The following SPI1 variants were observed in gnomAD, a reference collection of about 807,000 sequenced individuals.
SPI1 encodes the protein Spi-1 proto-oncogene, also known as transcription factor PU.1.
Under a neutral mutation model 30.7 loss-of-function variants are expected in SPI1, and 3 were observed. The observed-to-expected ratio is 0.10, with a 90% CI of 0.04 to 0.25. The LOEUF (loss-of-function observed/expected upper bound fraction) is 0.25. SPI1 is among the 10% of genes least tolerant of loss of function. The pLI, the probability that SPI1 is intolerant of heterozygous loss-of-function variation, is 1.00. For synonymous variants in SPI1, 169 were observed against 157.1 expected, an observed-to-expected ratio of 1.08 and a Z score of -0.56; for missense variants, 261 against 371.5, an observed-to-expected ratio of 0.70 and a Z score of 2.45.
chr11:47,376,067 A>G (rs936177823), intron 1 of SPI1, among the ~76,000 whole-genome samples: 1 of 151,858 alleles, frequency 6.6e-6, no homozygotes, highest in Non-Finnish European at 1.5e-5. Context: ...ACTGATGCAC[A>G]TGTCCACACG....
Position 47,374,742 on chromosome 11 carries a change from C to A in SPI1, c.142+891G>T, listed in dbSNP as rs1245885762. On this transcript the variant is annotated intron_variant, in intron 2 of 4. Coordinates refer to ENST00000378538, the MANE Select transcript of SPI1 (RefSeq NM_003120.3). This position sits in a 1 kb window ranked among gnomAD's most constrained non-coding sequence, Gnocchi z 4.5. ...ATAAGCCAAGATCCACTTTGGGCAA[C>A]CTCCCGCAGCCCCCTGCTCAGGTCC... 6.6e-6 allele frequency among the ~76,000 whole-genome samples: 1 copy of A among 152,236 alleles called. No homozygotes were observed. The highest frequency in any genetic ancestry group is 2.4e-5 in the African/African-American group (1 of 41,468).
chr11:47,359,003 A>T lies in SPI1; in HGVS notation c.334T>A (p.Ser112Thr), dbSNP rs2095916618. 1 of 1,524,544 alleles carries T rather than the reference A, an allele frequency of 6.6e-7. No individual in the cohort carries two copies. The highest frequency in any genetic ancestry group is 8.8e-7 in the Non-Finnish European group (1 of 1,137,216). The allele number at this position is 1,524,544 out of a possible 1,614,324, so 94.4% of individuals were successfully genotyped here. ...PPHPSLGHQV[S>T]YLPRMCLQYP... ...TGGAGGCACATCCGGGGCAGGTAGGAGACCTGGACGGTGGGGGAAGGAGAT... is the reference window on the plus strand; with the variant it reads ...TGGAGGCACATCCGGGGCAGGTAGGTGACCTGGACGGTGGGGGAAGGAGAT... Residue 112 changes from serine to threonine, a missense_variant, in exon 4 of 5, where the codon TCC becomes ACC. Physicochemically the swap from Ser to Thr is moderately conservative, Grantham distance 58. Transcript: ENST00000378538. The surrounding 1 kb of genome is among the most constrained non-coding windows in gnomAD (Gnocchi z 5.1).
chr11:47,356,304 A>C (rs1220239508), intron 4 of SPI1, among the ~76,000 whole-genome samples: 1 of 148,078 alleles, frequency 6.8e-6, no homozygotes, highest in Non-Finnish European at 1.5e-5. Flanking sequence ...CCACATGTTC[A>C]AACCCACACT....
chr11:47,365,591 G>A (rs953103689), intron 2 of SPI1, among the ~76,000 whole-genome samples: 2 of 152,140 alleles, frequency 1.3e-5, no homozygotes, highest in South Asian at 2.1e-4. Flanking sequence ...AAACCCACCT[G>A]TATCTGACCC....
At chr11:47,378,122 CAGGGCATGCTCCG>C (rs1250764542) in intron 1 of SPI1, among the ~76,000 whole-genome samples, 174 bp downstream of exon 1, 2 of 152,278 alleles carry the variant, frequency 1.3e-5, no homozygotes, top group Non-Finnish European at 2.9e-5. Context: ...CTCAGCCCGC[CAGGGCATGCTCCG>C]AGGAAGCCAA....
chr11:47,356,607 G>T (rs1429659616), intron 4 of SPI1, among the ~76,000 whole-genome samples: 1 of 150,176 alleles, frequency 6.7e-6, no homozygotes, highest in Non-Finnish European at 1.5e-5. Flanking sequence ...AATCACACCT[G>T]CTTATACTTG....
chr11:47,368,426 A>T (rs766096333), intron 2 of SPI1, among the ~76,000 whole-genome samples: 2 of 152,218 alleles, frequency 1.3e-5, no homozygotes, highest in Non-Finnish European at 1.5e-5. Flanking sequence ...ATATATCCAA[A>T]AAAATTGAAA....
Position 47,374,143 on chromosome 11 carries a change from T to C in SPI1, c.142+1490A>G, listed in dbSNP as rs1217153920. On this transcript the variant is annotated intron_variant, in intron 2 of 4. Transcript: ENST00000378538. This position sits in a 1 kb window ranked among gnomAD's most constrained non-coding sequence, Gnocchi z 4.5. Reference sequence around the variant, plus strand: ...GACCTCCTGGAGTCCTGGAACCGCTTGGGAAGGTGGGTGCGTGGTCTCTGG... The same window carrying C: ...GACCTCCTGGAGTCCTGGAACCGCTCGGGAAGGTGGGTGCGTGGTCTCTGG... 6.6e-6 allele frequency among the ~76,000 whole-genome samples: 1 copy of C among 152,094 alleles called. No homozygotes were observed. The highest frequency in any genetic ancestry group is 2.4e-5 in the African/African-American group (1 of 41,420).
At chr11:47,376,422 C>T (rs1464230972) in intron 1 of SPI1, among the ~76,000 whole-genome samples, 2 of 152,252 alleles carry the variant, frequency 1.3e-5, no homozygotes, top group East Asian at 1.9e-4. Flanking sequence ...AAGAGTGGCA[C>T]CACAATGACC....
At position 47,359,195 on chromosome 11, in the gene SPI1, TGGGGCGA is replaced by T. The variant is rs2095917021; in HGVS notation, c.331-196_331-190del. 6.6e-6 allele frequency among the ~76,000 whole-genome samples: 1 copy of T among 151,952 alleles called. No homozygotes were observed. Among genetic ancestry groups the T allele is most frequent in the Non-Finnish European group, 1.5e-5 (1 of 67,974 alleles). ...GGTGCTGCACATAGGGTGCAGGCTG[TGGGGCGA>T]GGGGTGCTGACATCCAGCCCACCCA... is the stretch of plus-strand genomic sequence containing the variant. On this transcript the variant is annotated intron_variant, in intron 3 of 4. Transcript: ENST00000378538. The surrounding 1 kb of genome is among the most constrained non-coding windows in gnomAD (Gnocchi z 5.1).
intron 2 of SPI1, among the ~76,000 whole-genome samples, chr11:47,372,982 G>A (rs1245652180): frequency 6.6e-6 from 1 of 152,192 alleles, no homozygotes; most frequent in Non-Finnish European, 1.5e-5. Context: ...GGACAAAGAG[G>A]ACGTGCAGGA....
intron 1 of SPI1, among the ~76,000 whole-genome samples, chr11:47,376,776 C>T (rs1595864898): frequency 1.3e-5 from 2 of 152,288 alleles, no homozygotes; most frequent in Admixed American, 6.5e-5. Context: ...CCCAGGATTG[C>T]ATAACAGTCA....
At chr11:47,363,142 G>A (rs1013961560) in intron 2 of SPI1, among the ~76,000 whole-genome samples, 1 of 152,146 alleles carries the variant, frequency 6.6e-6, no homozygotes, top group Admixed American at 6.5e-5. Context: ...GTTCACCTCC[G>A]TCTTCCCAGT....
intron 2 of SPI1, among the ~76,000 whole-genome samples, chr11:47,363,435 C>T (rs1213772095): frequency 2.0e-5 from 3 of 151,908 alleles, no homozygotes; most frequent in Admixed American, 2.0e-4. Context: ...GCAGGAGAAT[C>T]GCTTGAACCT....
rs1215913189 is a variant in SPI1 at position 47,360,121 on chromosome 11, CT to C, written c.143-82del. The C allele has an allele frequency of 3.2e-6, 4 of 1,252,736 alleles. No individual in the cohort carries two copies. In the East Asian group the frequency reaches 1.0e-4, roughly 33 times the overall value. 77.6% of individuals were successfully genotyped at this position (1,252,736 alleles called of 1,614,324 possible). A position where few individuals can be genotyped will look rare whatever the true frequency, so the allele number is the denominator to read the frequency against. The stretch of plus-strand genomic sequence containing the variant: ...AAGGTTATAGTAACATTAAATAATA[CT>C]GCCAGGCCATATGGGGCCTAACCAT... On this transcript the variant is annotated intron_variant, in intron 2 of 4. Transcript: ENST00000378538.
chr11:47,360,319 T>C (rs1194419272), intron 2 of SPI1, among the ~76,000 whole-genome samples: 1 of 152,170 alleles, frequency 6.6e-6, no homozygotes, highest in Non-Finnish European at 1.5e-5. Context: ...TCCTGATTCC[T>C]GTGCAGTCAC....
intron 2 of SPI1, among the ~76,000 whole-genome samples, chr11:47,373,029 C>A (rs2095937892): frequency 6.6e-6 from 1 of 152,110 alleles, no homozygotes; most frequent in South Asian, 2.1e-4. Flanking sequence ...ATGGTTGAGT[C>A]TTCAGACGAT....
rs374709586 is a variant in SPI1, at chr11:47,375,616, G to T, written c.142+17C>A. The T allele has an allele frequency of 3.4e-4, 542 of 1,599,986 alleles. 1 individual carries two copies. Among genetic ancestry groups the T allele is most frequent in the Non-Finnish European group, 4.5e-4 (530 of 1,167,318 alleles). ...GGCTGGGCTGGGGGATGGGGGCGTG[G>T]CAGGCCCCGTACTCACCGCTATGGC... On this transcript the variant is annotated intron_variant, in intron 2 of 4. Coordinates refer to ENST00000378538, the MANE Select transcript of SPI1 (RefSeq NM_003120.3). The surrounding 1 kb of genome is among the most constrained non-coding windows in gnomAD (Gnocchi z 4.2).
rs75402116 is a variant in SPI1 at position 47,358,871 on chromosome 11, C to G, written c.466G>C (p.Gly156Arg). 11 of 1,551,890 alleles carry G rather than the reference C, an allele frequency of 7.1e-6. No homozygotes were observed. The South Asian group carries it at 1.1e-4, about 15-fold the overall frequency. ...GTCTCCCCAGGCAGGAGCCCAGGCC[C>G]GGGCTCCAGGCCATCCGCCTCGCCG... ...SDGEADGLEP[G>R]PGLLPGETGS... The change falls in exon 4 of 5, where the codon GGG (glycine) becomes CGG (arginine). Residue 156 changes from glycine (G) to arginine (R), a missense_variant. Transcript: ENST00000378538.
Sources: gnomAD v4.1 joint callset for allele counts (sites outside exome capture counted in the v4.1 genomes callset) on GRCh38, gnomAD v4.1.1 for gene constraint, Gnocchi (gnomAD v3.1) non-coding constraint, MANE v1.5 for transcripts, NCBI Gene and HGNC (gene_info 2026-07-23, HGNC 2026-07-21) for gene names.